UBR4: variants seen among roughly 807,000 people sequenced by gnomAD.
UBR4 encodes the protein E3 ubiquitin-protein ligase UBR4.
Under a neutral mutation model 575.6 loss-of-function variants are expected in UBR4, and 124 were observed. The observed-to-expected ratio is 0.22, with a 90% CI of 0.19 to 0.25. UBR4 has a LOEUF of 0.25. Among genes scored for constraint, UBR4 ranks in the 10% least tolerant of loss-of-function variants. UBR4 has a pLI of 1.00. For synonymous variants in UBR4, 2,455 were observed against 2,473.7 expected (o/e 0.99, Z 0.22); for missense variants, 4,818 against 6,478.8 (o/e 0.74, Z 8.80).
At chr1:19,119,791 C>T in intron 69 of UBR4, 90 bp from the exon 70 acceptor site, 2 of 1,488,256 alleles carry the variant, frequency 1.3e-6, no homozygotes, top group Non-Finnish European at 1.8e-6. Flanking sequence ...CTCAATTTCC[C>T]CACAATTATG....
At chr1:19,132,452 G>GA (rs1222840204) in intron 60 of UBR4, among the ~76,000 whole-genome samples, 1 of 151,904 alleles carries the variant, frequency 6.6e-6, no homozygotes, top group Non-Finnish European at 1.5e-5. Flanking sequence ...AAAGTGATGG[G>GA]ATTACAGGTG....
Position 19,139,164 on chromosome 1 carries a change from T to TC in UBR4, c.8649dup (p.Thr2884AspfsTer5). On this transcript the variant is annotated frameshift_variant, in exon 59 of 106. Coordinates refer to ENST00000375254, the MANE Select transcript of UBR4 (RefSeq NM_020765.3). LOFTEE classifies it high-confidence loss of function. The surrounding 1 kb of genome is among the most constrained non-coding windows in gnomAD (Gnocchi z 4.2). The stretch of plus-strand genomic sequence containing the variant: ...CTACCACCGTGGTCAGCAGGAGAGG[T>TC]CCGAAGGGTAGAACCATCTGTCGCT... 1 of 1,613,868 alleles carries TC rather than the reference T, an allele frequency of 6.2e-7. No homozygotes were observed. The highest frequency in any genetic ancestry group is 8.5e-7 in the Non-Finnish European group (1 of 1,179,930).
At position 19,117,183 on chromosome 1, in the gene UBR4, C is replaced by T. The variant is rs1369864386; in HGVS notation, c.10823+38G>A. On this transcript the variant is annotated intron_variant, in intron 73 of 105. Coordinates refer to ENST00000375254, the MANE Select transcript of UBR4 (RefSeq NM_020765.3). The surrounding 1 kb of genome is among the most constrained non-coding windows in gnomAD (Gnocchi z 4.0). ...AGGCAGCAACTGAGCTTCAGCCTTA[C>T]AACCTGCTGCCCCTCCCGAGGCCTA... 2.5e-6 allele frequency: 4 copies of T among 1,600,654 alleles called. No homozygotes were observed. Among genetic ancestry groups the T allele is most frequent in the African/African-American group, 1.3e-5 (1 of 74,772 alleles).
Position 19,105,109 on chromosome 1 carries a change from T to G in UBR4, c.12584A>C (p.His4195Pro). ...CCGAGCTGCCAAGTAGACTTTCCAGTGCGCAGAAGTGATGAGCTTCTGGTA... is the reference window on the plus strand; with the variant it reads ...CCGAGCTGCCAAGTAGACTTTCCAGGGCGCAGAAGTGATGAGCTTCTGGTA... Reference protein sequence around the residue: ...ALYQKLITSAHWKVYLAARGV... With the variant: ...ALYQKLITSAPWKVYLAARGV... Residue 4195 changes from histidine to proline, a missense_variant, in exon 85 of 106, where the codon CAC becomes CCC. Physicochemically the swap from His to Pro is moderately conservative, Grantham distance 77 (BLOSUM62 -2). This residue lies in a region of UBR4 where 178 missense variants were observed against 175.5 expected (regional missense o/e 1.01). Transcript: ENST00000375254. 2 of 1,614,054 alleles carry G rather than the reference T, an allele frequency of 1.2e-6. No homozygotes were observed. The highest frequency in any genetic ancestry group is 1.7e-4 in the Middle Eastern group (1 of 6,060).
intron 28 of UBR4, 85 bp from the exon 29 acceptor site, chr1:19,167,316 C>G: frequency 6.8e-7 from 1 of 1,476,096 alleles, no homozygotes; most frequent in South Asian, 1.2e-5. Flanking sequence ...CAATTACTTG[C>G]CGGGGAAGAG....
Position 19,198,606 on chromosome 1 carries a change from T to C in UBR4, c.583A>G (p.Asn195Asp). The change falls in exon 5 of 106, where the codon AAC (asparagine) becomes GAC (aspartate). Residue 195 changes from asparagine (N) to aspartate (D), a missense_variant. Physicochemically the swap from Asn to Asp is conservative, Grantham distance 23. Around this residue, in one of 29 missense-constraint regions of UBR4, gnomAD observed 83 missense variants for 77.3 expected, o/e 1.07. Coordinates refer to ENST00000375254, the MANE Select transcript of UBR4 (RefSeq NM_020765.3). ...GGGTTAAAAACTGAGGTCAGCTGGT[T>C]CAAAAAATTCATCTGTACCTCCTTT... ...RQKEVQMNFL[N>D]QLTSVFNPRT... 1.5e-5 allele frequency: 25 copies of C among 1,614,162 alleles called. No homozygotes were observed. The highest frequency in any genetic ancestry group is 2.0e-5 in the Non-Finnish European group (24 of 1,180,028).
intron 49 of UBR4, among the ~76,000 whole-genome samples, chr1:19,150,157 C>T (rs998268939): frequency 3.3e-5 from 5 of 152,124 alleles, no homozygotes; most frequent in African/African-American, 9.7e-5. Context: ...CTCTTGCTGG[C>T]AATGTTATTA....
chr1:19,180,246 T>C (rs1422807769), intron 17 of UBR4, among the ~76,000 whole-genome samples: 3 of 152,000 alleles, frequency 2.0e-5, no homozygotes, highest in Admixed American at 1.3e-4. Flanking sequence ...AGGAGTGCGG[T>C]TGCACGATCT....
In UBR4 at chr1:19,210,249, C is replaced by A; in HGVS notation, c.-1G>T. 1.4e-6 allele frequency: 2 copies of A among 1,448,130 alleles called. No homozygotes were observed. Among genetic ancestry groups the A allele is most frequent in the Non-Finnish European group, 9.0e-7 (1 of 1,105,916 alleles). 89.7% of individuals were successfully genotyped at this position (1,448,130 alleles called of 1,614,324 possible). ...CCTCTTCGCCGCCGCTCGTCGCCATCTTCCGTCGTACTACTGCGGCTCCCT... is the reference window on the plus strand; with the variant it reads ...CCTCTTCGCCGCCGCTCGTCGCCATATTCCGTCGTACTACTGCGGCTCCCT... On this transcript the variant is annotated 5_prime_UTR_variant, in exon 1 of 106. Transcript: ENST00000375254.
At chr1:19,207,878 C>A (rs978563917) in intron 1 of UBR4, among the ~76,000 whole-genome samples, 10 of 152,142 alleles carry the variant, frequency 6.6e-5, no homozygotes, top group Non-Finnish European at 1.5e-4. Flanking sequence ...CATGCCCATT[C>A]ATTTATATAT....
chr1:19,074,949 T>C (rs1570017095), intron 105 of UBR4, 53 bp from the exon 106 acceptor site: 8 of 1,584,702 alleles, frequency 5.0e-6, no homozygotes, highest in Middle Eastern at 1.7e-4. Context: ...CAGCCCCCAT[T>C]CCCCCTGAGT....
In UBR4 at chr1:19,104,619, A is replaced by G; in HGVS notation, c.12693T>C (p.Asp4231=). ...TTTTAAGGGCATAACCCTGCTGCAG[A>G]TCGGTACTCAGGGTAGCCTCCTCCA... ...LALEEATLST[D]LQQGYALKSL... Residue 4231 remains aspartate, a synonymous_variant, in exon 86 of 106, where the codon GAT becomes GAC. Transcript: ENST00000375254. 1 of 1,614,162 alleles carries G rather than the reference A, an allele frequency of 6.2e-7. No individual in the cohort carries two copies. Among genetic ancestry groups the G allele is most frequent in the Non-Finnish European group, 8.5e-7 (1 of 1,180,012 alleles).
chr1:19,130,296 G>A (rs191883232), intron 60 of UBR4, among the ~76,000 whole-genome samples: 42 of 152,288 alleles, frequency 2.8e-4, no homozygotes, highest in Admixed American at 2.5e-3. Flanking sequence ...GGTAGCTCAC[G>A]TCTTTCAACA....
intron 93 of UBR4, 70 bp from the exon 94 acceptor site, chr1:19,095,095 C>T: frequency 6.2e-7 from 1 of 1,608,958 alleles, no homozygotes; most frequent in Non-Finnish European, 8.5e-7. Context: ...GACAATTGCT[C>T]TCAAGGATGC....
At chr1:19,118,039 T>G (rs947344731) in intron 71 of UBR4, 129 bp from the exon 72 acceptor site, 2 of 783,036 alleles carry the variant, frequency 2.6e-6, no homozygotes, top group East Asian at 2.6e-5. Context: ...CCCACCCTAG[T>G]GAGAACTCAA....
At chr1:19,133,771 T>C (rs886400562) in intron 60 of UBR4, among the ~76,000 whole-genome samples, 20 of 150,400 alleles carry the variant, frequency 1.3e-4, no homozygotes, top group African/African-American at 4.9e-4. Context: ...AATAGTGAGA[T>C]GCTGTCTCAA....
chr1:19,074,757 A>G lies in UBR4; in HGVS notation c.*75T>C. The G allele has an allele frequency of 6.5e-7, 1 of 1,529,332 alleles. No homozygotes were observed. Among genetic ancestry groups the G allele is most frequent in the Non-Finnish European group, 9.0e-7 (1 of 1,110,986 alleles). The allele number at this position is 1,529,332 out of a possible 1,614,324, so 94.7% of individuals were successfully genotyped here. On this transcript the variant is annotated 3_prime_UTR_variant, in exon 106 of 106. Coordinates refer to ENST00000375254, the MANE Select transcript of UBR4 (RefSeq NM_020765.3). ...ATGCAGCATCCCGCGGAGGGAACTT[A>G]ATGCACAAGGAGGGAGAACAGAGGG... is the stretch of plus-strand genomic sequence containing the variant.
At position 19,144,875 on chromosome 1, in the gene UBR4, G is replaced by A. The variant is rs1481650100; in HGVS notation, c.7978C>T (p.Leu2660=). ...CAGTAGCCATGGATGATGTCCACCA[G>A]AGCATTGACAGTAGCTTCAATATGA... ...LTHIEATVNA[L]VDIIHGYCTC... is the part of the protein sequence containing the mutation. Residue 2660 remains leucine (L), a synonymous_variant, in exon 54 of 106, where the codon CTG becomes TTG. Transcript: ENST00000375254. The A allele has an allele frequency of 1.9e-6, 3 of 1,613,970 alleles. No individual in the cohort carries two copies. The highest frequency in any genetic ancestry group is 2.7e-5 in the African/African-American group (2 of 74,902).
intron 60 of UBR4, among the ~76,000 whole-genome samples, chr1:19,129,370 G>A (rs139787111): frequency 5.3e-5 from 8 of 152,272 alleles, no homozygotes; most frequent in African/African-American, 1.9e-4. Flanking sequence ...CAAGCCTCCA[G>A]GCCCTAGTAG....
Sources: allele counts gnomAD v4.1 joint callset (sites outside exome capture counted in the v4.1 genomes callset), GRCh38; gene constraint gnomAD v4.1.1; regional missense constraint gnomAD v4.1.1; non-coding constraint Gnocchi (gnomAD v3.1); transcripts MANE v1.5; gene names NCBI Gene and HGNC (gene_info 2026-07-23, HGNC 2026-07-21).